The following PARD3 variants were observed in gnomAD, a reference collection of about 807,000 sequenced individuals.
PARD3 encodes par-3 family cell polarity regulator.
In PARD3, 75 loss-of-function variants were observed where a neutral mutation model predicts 155.4. That is an observed-to-expected ratio of 0.48 (90% confidence interval 0.40 to 0.58). The LOEUF (loss-of-function observed/expected upper bound fraction) is 0.58. Ranked by LOEUF, PARD3 falls within the 20% of genes least tolerant of loss-of-function variation. The probability of loss-of-function intolerance (pLI) is 0.00; values close to 1 mark genes in which losing one functional copy is unlikely to be tolerated. For synonymous variants in PARD3, 576 were observed against 610.5 expected (o/e 0.94, Z 0.83); for missense variants, 1,642 against 1,721.7 (o/e 0.95, Z 0.82).
intron 5 of PARD3, among the ~76,000 whole-genome samples, chr10:34,447,629 C>T (rs1460429495): frequency 5.3e-5 from 8 of 150,412 alleles, no homozygotes; most frequent in African/African-American, 9.8e-5. Context: ...GATGAAACCC[C>T]GTCTCTACTA....
intron 6 of PARD3, 66 bp from the exon 7 acceptor site, chr10:34,399,479 A>C (rs2132174805): frequency 9.6e-7 from 1 of 1,041,640 alleles, no homozygotes; most frequent in South Asian, 1.3e-5. Context: ...CCAAAACAAA[A>C]CAAAACAAAA....
At chr10:34,789,053 G>A (rs1841327466) in intron 1 of PARD3, among the ~76,000 whole-genome samples, 2 of 152,216 alleles carry the variant, frequency 1.3e-5, no homozygotes. Flanking sequence ...TGAAAAATGA[G>A]AAAATTAATT....
intron 1 of PARD3, among the ~76,000 whole-genome samples, chr10:34,778,917 C>G (rs1378329191): frequency 2.0e-5 from 3 of 152,218 alleles, no homozygotes; most frequent in African/African-American, 7.2e-5. Context: ...ACTGAGAAAG[C>G]TGTCAGATTC....
At position 34,603,514 on chromosome 10, in the gene PARD3, T is replaced by C. The variant is rs535849125; in HGVS notation, c.223-86355A>G. On this transcript the variant is annotated intron_variant, in intron 2 of 24. Transcript: ENST00000374788. ...ACGGAACACATTGAACAAGAGATGC[T>C]GAATTCAGGATGGAACATTTCATCT... is the stretch of plus-strand genomic sequence containing the variant. 2.0e-5 allele frequency among the ~76,000 whole-genome samples: 3 copies of C among 152,334 alleles called. No homozygotes were observed. The South Asian group carries it at 6.2e-4, about 32-fold the overall frequency.
chr10:34,605,462 G>C lies in PARD3; in HGVS notation c.223-88303C>G, dbSNP rs531143424. 4.0e-4 allele frequency among the ~76,000 whole-genome samples: 57 copies of C among 143,170 alleles called. 1 individual carries two copies. In the South Asian group the frequency reaches 8.1e-3, roughly 20 times the overall value. The allele number at this position is 143,170 out of a possible 152,430, so 93.9% of individuals were successfully genotyped here. A position where few individuals can be genotyped will look rare whatever the true frequency, so the allele number is the denominator to read the frequency against. On this transcript the variant is annotated intron_variant, in intron 2 of 24. Transcript: ENST00000374788. Reference sequence around the variant, plus strand: ...CCCACCTCGGCCTCCCAAAGTGCTGGGATTACAGGCGTGAGCCACTGTGCC... The same window carrying C: ...CCCACCTCGGCCTCCCAAAGTGCTGCGATTACAGGCGTGAGCCACTGTGCC...
chr10:34,167,381 A>G (rs547428694), intron 22 of PARD3, among the ~76,000 whole-genome samples: 1 of 152,284 alleles, frequency 6.6e-6, no homozygotes, highest in South Asian at 2.1e-4. Flanking sequence ...ACCATACACA[A>G]TTAGTCTGCC....
At chr10:34,779,309 A>T (rs1227573093) in intron 1 of PARD3, among the ~76,000 whole-genome samples, 2 of 150,922 alleles carry the variant, frequency 1.3e-5, no homozygotes, top group Non-Finnish European at 2.9e-5. Context: ...CCATCTCAAA[A>T]AATAAAATAA....
At chr10:34,303,261 C>T (rs1380426401) in intron 20 of PARD3, among the ~76,000 whole-genome samples, 4 of 148,014 alleles carry the variant, frequency 2.7e-5, no homozygotes, top group African/African-American at 1.0e-4. Context: ...CTCAAAGTAA[C>T]ATCAGGCAAC....
chr10:34,280,253 T>C (rs534888138), intron 21 of PARD3, among the ~76,000 whole-genome samples: 5 of 152,254 alleles, frequency 3.3e-5, no homozygotes, highest in East Asian at 3.9e-4. Flanking sequence ...TTTCTAAGAA[T>C]GCATAAAAAT....
At chr10:34,721,312 A>T (rs1590812774) in intron 1 of PARD3, among the ~76,000 whole-genome samples, 1 of 152,318 alleles carries the variant, frequency 6.6e-6, no homozygotes, top group East Asian at 1.9e-4. Context: ...TCCTTCCTGT[A>T]CCTCCATCCT....
chr10:34,118,764 A>G (rs1346637396), intron 24 of PARD3, among the ~76,000 whole-genome samples: 1 of 152,216 alleles, frequency 6.6e-6, no homozygotes, highest in African/African-American at 2.4e-5. Flanking sequence ...ACCTGATATC[A>G]ACATGGCAAA....
chr10:34,374,733 G>A, intron 11 of PARD3, 141 bp downstream of exon 11: 1 of 783,430 alleles, frequency 1.3e-6, no homozygotes, highest in Non-Finnish European at 2.1e-6. Context: ...AAGAATGTTT[G>A]TATTCAGTGA....
At chr10:34,476,521 G>A (rs999177233) in intron 3 of PARD3, among the ~76,000 whole-genome samples, 3 of 152,060 alleles carry the variant, frequency 2.0e-5, no homozygotes, top group Non-Finnish European at 2.9e-5. Flanking sequence ...GAGACCACAC[G>A]CTAAGAACCA....
chr10:34,804,035 GTTT>G (rs373473801), intron 1 of PARD3, among the ~76,000 whole-genome samples: 38,003 of 136,714 alleles, frequency 0.28, 6,282 homozygotes, highest in African/African-American at 0.51. Context: ...ATTTGTTTTT[GTTT>G]TTTTTTTTTT....
intron 22 of PARD3, among the ~76,000 whole-genome samples, chr10:34,230,638 C>A (rs1358546228): frequency 6.6e-6 from 1 of 152,082 alleles, no homozygotes; most frequent in East Asian, 1.9e-4. Context: ...TGCAAACCAA[C>A]CACCAGGAAA....
chr10:34,443,124 T>C (rs1479311940), intron 5 of PARD3, among the ~76,000 whole-genome samples: 4 of 152,130 alleles, frequency 2.6e-5, no homozygotes, highest in Non-Finnish European at 5.9e-5. Flanking sequence ...ACACCCACCA[T>C]TTTATAAGAA....
intron 2 of PARD3, among the ~76,000 whole-genome samples, chr10:34,542,177 C>T (rs2083656105): frequency 6.6e-6 from 1 of 150,968 alleles, no homozygotes; most frequent in Non-Finnish European, 1.5e-5. Flanking sequence ...TCAATGTACA[C>T]TTACAAAGCA....
intron 1 of PARD3, among the ~76,000 whole-genome samples, chr10:34,814,235 G>A (rs11009956): frequency 0.022 from 3,292 of 152,182 alleles, 120 homozygotes; most frequent in African/African-American, 0.076. Flanking sequence ...GCCCTCCCGG[G>A]AACGCCTCCC....
chr10:34,145,193 A>G (rs546129645), intron 22 of PARD3, among the ~76,000 whole-genome samples: 280 of 53,522 alleles, frequency 5.2e-3, no homozygotes, highest in South Asian at 0.025. Flanking sequence ...GTGTGTGTAT[A>G]TATATATATA....
Sources: gnomAD v4.1 joint callset for allele counts (sites outside exome capture counted in the v4.1 genomes callset) on GRCh38, gnomAD v4.1.1 for gene constraint, MANE v1.5 for transcripts, NCBI Gene and HGNC (gene_info 2026-07-23, HGNC 2026-07-21) for gene names.